The following CPXM2 variants were observed in gnomAD, a reference collection of about 807,000 sequenced individuals.
CPXM2 encodes inactive carboxypeptidase-like protein X2.
A neutral mutation model predicts 86.1 loss-of-function variants in CPXM2; 66 were observed. The observed-to-expected ratio is 0.77, with a 90% CI of 0.63 to 0.94. The LOEUF is 0.94. CPXM2 is among the 40% of genes least tolerant of loss of function. The pLI is 0.00. For missense variants in CPXM2, 948 were observed against 1,026.3 expected, an observed-to-expected ratio of 0.92 and a Z score of 1.04; for synonymous variants, 388 against 400.2, an observed-to-expected ratio of 0.97 and a Z score of 0.36.
chr10:123,796,634 C>A (rs1168118353), intron 6 of CPXM2, among the ~76,000 whole-genome samples: 2 of 152,136 alleles, frequency 1.3e-5, no homozygotes, highest in Non-Finnish European at 2.9e-5. Flanking sequence ...GAGAGAAAAA[C>A]AATTAAATGA....
intron 4 of CPXM2, among the ~76,000 whole-genome samples, chr10:123,809,795 T>G (rs1847654363): frequency 6.6e-6 from 1 of 151,858 alleles, no homozygotes; most frequent in South Asian, 2.1e-4. Context: ...ATTCCAGGAG[T>G]AAAAACTGAA....
At chr10:123,816,818 T>G (rs1380187128) in intron 4 of CPXM2, among the ~76,000 whole-genome samples, 1 of 152,234 alleles carries the variant, frequency 6.6e-6, no homozygotes, top group Non-Finnish European at 1.5e-5. Context: ...TTTGGAGAGA[T>G]CTTGATCGCT....
upstream of CPXM2, among the ~76,000 whole-genome samples, chr10:123,896,490 AT>A (rs1330757539): frequency 2.6e-5 from 4 of 152,156 alleles, no homozygotes; most frequent in Non-Finnish European, 5.9e-5. Context: ...TTACTACATA[AT>A]TACCCATTTC....
intron 4 of CPXM2, among the ~76,000 whole-genome samples, chr10:123,808,536 T>C (rs1194285827): frequency 6.6e-6 from 1 of 152,166 alleles, no homozygotes; most frequent in Non-Finnish European, 1.5e-5. Context: ...AACTTGAGAC[T>C]TTTCCAGGAC....
chr10:123,759,664 T>A (rs1478290106), intron 11 of CPXM2, among the ~76,000 whole-genome samples: 2 of 152,230 alleles, frequency 1.3e-5, no homozygotes, highest in Non-Finnish European at 2.9e-5. Context: ...GACATTCCTT[T>A]GTGTTCTCTC....
chr10:123,862,885 G>A (rs1848885479), intron 2 of CPXM2, among the ~76,000 whole-genome samples, 162 bp from the exon 3 acceptor site: 1 of 152,196 alleles, frequency 6.6e-6, no homozygotes, highest in Admixed American at 6.5e-5. Context: ...TCAACATTAA[G>A]CCAATGTTCT....
intron 2 of CPXM2, among the ~76,000 whole-genome samples, chr10:123,931,131 C>A (rs1412764887): frequency 6.6e-6 from 1 of 152,208 alleles, no homozygotes; most frequent in Non-Finnish European, 1.5e-5. Context: ...CTACCATCAT[C>A]TGGCAAAGAG....
intron 2 of CPXM2, among the ~76,000 whole-genome samples, chr10:123,909,450 G>A (rs550062756): frequency 6.6e-6 from 1 of 152,334 alleles, no homozygotes; most frequent in South Asian, 2.1e-4. Flanking sequence ...GAAAGCAGCT[G>A]TATAATTTAT....
chr10:123,803,820 C>G (rs372299759), intron 4 of CPXM2, among the ~76,000 whole-genome samples: 170 of 152,152 alleles, frequency 1.1e-3, no homozygotes, highest in African/African-American at 3.8e-3. Flanking sequence ...TGCCACCACG[C>G]CCAGCTAATT....
chr10:123,795,287 G>A (rs1847308276), intron 6 of CPXM2, among the ~76,000 whole-genome samples: 1 of 152,108 alleles, frequency 6.6e-6, no homozygotes, highest in Non-Finnish European at 1.5e-5. Flanking sequence ...TCTATTAATA[G>A]ACCATGGTAT....
At chr10:123,938,391 A>T (rs899506553) in intron 2 of CPXM2, among the ~76,000 whole-genome samples, 2 of 152,220 alleles carry the variant, frequency 1.3e-5, no homozygotes, top group African/African-American at 4.8e-5. Context: ...AACCATGTCA[A>T]GGGGTTTGGC....
chr10:123,780,242 A>G lies in CPXM2; in HGVS notation c.903T>C (p.Tyr301=). The change falls in exon 7 of 14, where the codon TAT becomes TAC. Residue 301 remains tyrosine, a synonymous_variant. Coordinates refer to ENST00000241305, the MANE Select transcript of CPXM2 (RefSeq NM_198148.3). ...TGGTCATCTCGTTCCGGCGGTGATAATAATTATTAGGATCTAGGGACAGAA... is the reference window on the plus strand; with the variant it reads ...TGGTCATCTCGTTCCGGCGGTGATAGTAATTATTAGGATCTAGGGACAGAA... ...LGCPLPDPNN[Y]YHRRNEMTTT... is the part of the protein sequence containing the mutation. 1.2e-6 allele frequency: 2 copies of G among 1,603,504 alleles called. No individual in the cohort carries two copies. The highest frequency in any genetic ancestry group is 1.7e-6 in the Non-Finnish European group (2 of 1,170,376).
At position 123,761,874 on chromosome 10, in the gene CPXM2, C is replaced by T. The variant is rs142483883; in HGVS notation, c.1775G>A (p.Gly592Glu). The change falls in exon 11 of 14, where the codon GGA becomes GAA. Residue 592 changes from glycine (G) to glutamate (E), a missense_variant and splice_region_variant. Coordinates refer to ENST00000241305, the MANE Select transcript of CPXM2 (RefSeq NM_198148.3). ...VNGASWHTVA[G>E]SLNDFSYLHT... ...CTCTCCCCCAGAGGGAGGCTTACTT[C>T]CAGCGACGGTGTGCCAGGAGGCCCC... 1 of 1,612,664 alleles carries T rather than the reference C, an allele frequency of 6.2e-7. No homozygotes were observed. The highest frequency in any genetic ancestry group is 2.2e-5 in the East Asian group (1 of 44,840).
At chr10:123,880,145 T>TG in intron 2 of CPXM2, 66 bp downstream of exon 2, 1 of 407,580 alleles carries the variant, frequency 2.5e-6, no homozygotes, top group East Asian at 4.9e-5. Context: ...CAGGGGCCTG[T>TG]ACCCACCCAC....
chr10:123,858,291 C>G (rs1848784180), intron 3 of CPXM2, among the ~76,000 whole-genome samples: 1 of 152,208 alleles, frequency 6.6e-6, no homozygotes, highest in Non-Finnish European at 1.5e-5. Context: ...TTCAGCGCAT[C>G]CATATGTGCA....
At chr10:123,838,903 GGT>G (rs1273907184) in intron 4 of CPXM2, among the ~76,000 whole-genome samples, 4 of 152,126 alleles carry the variant, frequency 2.6e-5, no homozygotes, top group African/African-American at 9.7e-5. Context: ...GTCCTCCAGG[GGT>G]GTTCCTGTGA....
Position 123,770,977 on chromosome 10 carries a change from G to A in CPXM2, c.1041C>T (p.Ser347=). ...CAGCATACAGCTTCAGGCCCTGGTG[G>A]CTTTTTCCAATGTTGTAAATTCTGG... ...NITRIYNIGK[S]HQGLKLYAVE... is the part of the protein sequence containing the mutation. The change falls in exon 8 of 14, where the codon AGC becomes AGT. Residue 347 remains serine, a synonymous_variant. Transcript: ENST00000241305. 1.9e-6 allele frequency: 3 copies of A among 1,613,868 alleles called. No homozygotes were observed. The South Asian group carries it at 3.3e-5, about 18-fold the overall frequency.
chr10:123,789,900 C>T (rs376784151), intron 6 of CPXM2, among the ~76,000 whole-genome samples: 62 of 152,042 alleles, frequency 4.1e-4, no homozygotes, highest in African/African-American at 7.2e-5. Context: ...AGGCGGATCA[C>T]GAGGTCAGGA....
chr10:123,855,473 T>C (rs1353048237), intron 3 of CPXM2, among the ~76,000 whole-genome samples: 1 of 151,988 alleles, frequency 6.6e-6, no homozygotes, highest in Non-Finnish European at 1.5e-5. Context: ...CGGGCACAGG[T>C]GAGACCTGGG....
Sources: allele counts gnomAD v4.1 joint callset (sites outside exome capture counted in the v4.1 genomes callset), GRCh38; gene constraint gnomAD v4.1.1; transcripts MANE v1.5; gene names NCBI Gene and HGNC (gene_info 2026-07-23, HGNC 2026-07-21).